The following AADAT variants were observed in gnomAD, a reference collection of about 807,000 sequenced individuals.
AADAT encodes kynurenine/alpha-aminoadipate aminotransferase, mitochondrial.
A neutral mutation model predicts 56.2 loss-of-function variants in AADAT; 25 were observed. The observed-to-expected ratio is 0.44, with a 90% CI of 0.32 to 0.62. The LOEUF (loss-of-function observed/expected upper bound fraction) is 0.62, where lower values mean the gene tolerates loss of function less well. Ranked by LOEUF, AADAT falls within the 20% of genes least tolerant of loss-of-function variation. AADAT has a pLI of 0.04. For missense variants in AADAT, 387 were observed against 510.5 expected, an observed-to-expected ratio of 0.76 and a Z score of 2.33; for synonymous variants, 173 against 164.7, an observed-to-expected ratio of 1.05 and a Z score of -0.39.
intron 3 of AADAT, 47 bp from the exon 4 acceptor site, chr4:170,078,630 A>G (rs1164355379): frequency 7.4e-7 from 1 of 1,354,892 alleles, no homozygotes; most frequent in Non-Finnish European, 1.0e-6. Context: ...ATAGGTTAGT[A>G]CTGTTTCCAT....
intron 10 of AADAT, 54 bp downstream of exon 10, chr4:170,066,360 C>T: frequency 6.9e-7 from 1 of 1,453,390 alleles, no homozygotes; most frequent in Non-Finnish European, 9.7e-7. Flanking sequence ...TGTTTATCCC[C>T]TACTTTTACA....
At position 170,084,773 on chromosome 4, in the gene AADAT, C is replaced by T. The variant is rs1177518628; in HGVS notation, c.369+2343G>A. Among the ~76,000 whole-genome samples, 8 of 152,266 alleles carry T rather than the reference C, an allele frequency of 5.3e-5. No individual in the cohort carries two copies. In the East Asian group the frequency reaches 7.7e-4, roughly 15 times the overall value. ...TCTTATGACAAACAGTATCCTCCTC[C>T]GAAAAGTTTCTAATTGACTTAAGCT... On this transcript the variant is annotated intron_variant, in intron 3 of 12. Transcript: ENST00000337664.
At chr4:170,079,093 A>G (rs1732172685) in intron 3 of AADAT, among the ~76,000 whole-genome samples, 1 of 152,200 alleles carries the variant, frequency 6.6e-6, no homozygotes, top group South Asian at 2.1e-4. Flanking sequence ...GACACCAATT[A>G]AATAACTACC....
At chr4:170,085,161 T>C (rs1232167903) in intron 3 of AADAT, among the ~76,000 whole-genome samples, 2 of 152,214 alleles carry the variant, frequency 1.3e-5, no homozygotes, top group Non-Finnish European at 2.9e-5. Context: ...ATATAAAATA[T>C]GTGTTAATTG....
At chr4:170,093,690 G>GAAAT (rs1243915908), upstream of AADAT, among the ~76,000 whole-genome samples, 1 of 152,056 alleles carries the variant, frequency 6.6e-6, no homozygotes, top group Non-Finnish European at 1.5e-5. Flanking sequence ...CGTCTTCCCG[G>GAAAT]GCTCAAGCAT....
intron 10 of AADAT, 86 bp downstream of exon 10, chr4:170,066,328 C>A (rs766326292): frequency 1.7e-6 from 2 of 1,164,092 alleles, no homozygotes; most frequent in Non-Finnish European, 2.6e-6. Context: ...TCTTTTCCAC[C>A]AGGATTGTTA....
At chr4:170,065,534 T>C (rs2111146673) in intron 10 of AADAT, among the ~76,000 whole-genome samples, 1 of 152,174 alleles carries the variant, frequency 6.6e-6, no homozygotes, top group East Asian at 1.9e-4. Context: ...GATGGAGTTT[T>C]GCCTCACCCA....
chr4:170,062,860 T>G (rs1038263737), intron 11 of AADAT, among the ~76,000 whole-genome samples: 60 of 152,194 alleles, frequency 3.9e-4, no homozygotes, highest in Non-Finnish European at 8.2e-4. Context: ...AGCAATGAGA[T>G]GTAAGAAACC....
At chr4:170,076,461 T>G (rs1732038249) in intron 4 of AADAT, among the ~76,000 whole-genome samples, 1 of 152,190 alleles carries the variant, frequency 6.6e-6, no homozygotes, top group African/African-American at 2.4e-5. Context: ...GCTTTGCATT[T>G]CTCTACTAAT....
upstream of AADAT, among the ~76,000 whole-genome samples, chr4:170,093,206 A>C (rs1340798575): frequency 6.6e-6 from 1 of 152,132 alleles, no homozygotes; most frequent in South Asian, 2.1e-4. Flanking sequence ...AGGTGGGTGG[A>C]TCAACTGAGG....
At chr4:170,086,353 C>T (rs716822) in intron 3 of AADAT, among the ~76,000 whole-genome samples, 15,566 of 151,928 alleles carry the variant, frequency 0.1, 907 homozygotes, top group African/African-American at 0.14. Context: ...GTGGAGTTCC[C>T]GGAACCCAGA....
At chr4:170,064,857 C>A in intron 10 of AADAT, 32 bp from the exon 11 acceptor site, 1 of 1,574,742 alleles carries the variant, frequency 6.4e-7, no homozygotes, top group Non-Finnish European at 8.6e-7. Flanking sequence ...AAATGTCTTC[C>A]AAAGGAAGGC....
chr4:170,088,617 G>A lies in AADAT; in HGVS notation c.68-53C>T, dbSNP rs192251272. 1.2e-5 allele frequency: 18 copies of A among 1,540,552 alleles called. No individual in the cohort carries two copies. In the East Asian group the frequency reaches 1.8e-4, roughly 16 times the overall value. On this transcript the variant is annotated intron_variant, in intron 1 of 12. Transcript: ENST00000337664. ...AATTTCATTGAAGATTGTTATAAGC[G>A]GATAGTTAAGCATGCATTATAGTCA... is the stretch of plus-strand genomic sequence containing the variant.
At chr4:170,089,286 CT>C in intron 1 of AADAT, 1 of 524,600 alleles carries the variant, frequency 1.9e-6, no homozygotes, top group East Asian at 4.7e-5. Flanking sequence ...GTACACCCAT[CT>C]GCACGCTGTG....
intron 4 of AADAT, among the ~76,000 whole-genome samples, chr4:170,076,916 T>C (rs986691843): frequency 1.3e-5 from 2 of 152,184 alleles, no homozygotes; most frequent in Non-Finnish European, 2.9e-5. Flanking sequence ...CAAGTTCTTT[T>C]ATATGCATGT....
upstream of AADAT, among the ~76,000 whole-genome samples, chr4:170,090,765 G>A (rs1159210963): frequency 6.6e-6 from 1 of 152,002 alleles, no homozygotes; most frequent in Non-Finnish European, 1.5e-5. Context: ...AATGTACAAG[G>A]TTTAATGTGA....
intron 8 of AADAT, 31 bp from the exon 9 acceptor site, chr4:170,067,419 T>C: frequency 6.3e-7 from 1 of 1,577,730 alleles, no homozygotes; most frequent in Non-Finnish European, 8.7e-7. Context: ...AATACCATGT[T>C]TCATCCCCTG....
chr4:170,069,057 A>G, intron 7 of AADAT, 91 bp downstream of exon 7: 1 of 1,083,726 alleles, frequency 9.2e-7, no homozygotes, highest in Non-Finnish European at 1.3e-6. Context: ...CAAGCATTTT[A>G]AGTGAAAAAA....
In AADAT at chr4:170,066,484, A is replaced by G; in HGVS notation, c.963-6T>C. On this transcript the variant is annotated splice_region_variant and splice_polypyrimidine_tract_variant and intron_variant, in intron 9 of 12. Coordinates refer to ENST00000337664, the MANE Select transcript of AADAT (RefSeq NM_016228.4). ...TACTATAGAAATCAATAACCCTAGA[A>G]AAAGAAAACAATGAAATGGATGTGC... The G allele has an allele frequency of 1.2e-6, 2 of 1,610,078 alleles. No individual in the cohort carries two copies. Among genetic ancestry groups the G allele is most frequent in the Non-Finnish European group, 1.7e-6 (2 of 1,176,622 alleles).
Sources: allele counts gnomAD v4.1 joint callset (sites outside exome capture counted in the v4.1 genomes callset), GRCh38; gene constraint gnomAD v4.1.1; transcripts MANE v1.5; gene names NCBI Gene and HGNC (gene_info 2026-07-23, HGNC 2026-07-21).